The following SASH1 variants were observed in gnomAD, a reference collection of about 807,000 sequenced individuals.
The protein encoded by SASH1 is SAM and SH3 domain-containing protein 1.
SASH1 carries 44 observed loss-of-function variants against 125.2 expected under a neutral mutation model. The observed-to-expected ratio is 0.35, with a 90% CI of 0.28 to 0.45. The LOEUF is 0.45. Ranked by LOEUF, SASH1 falls within the 20% of genes least tolerant of loss-of-function variation. The pLI, the probability that SASH1 is intolerant of heterozygous loss-of-function variation, is 1.00. For synonymous variants in SASH1, 639 were observed against 649.1 expected (o/e 0.98, Z 0.24); for missense variants, 1,426 against 1,614.5 (o/e 0.88, Z 2.00).
chr6:148,251,677 CT>C, the SASH1 span, among the ~76,000 whole-genome samples: 4 of 151,162 alleles, frequency 2.6e-5, no homozygotes, highest in South Asian at 4.2e-4. Context: ...CACATATTTT[CT>C]TTTTTTTTTA....
chr6:148,211,966 A>G, the SASH1 span, among the ~76,000 whole-genome samples: 11 of 152,196 alleles, frequency 7.2e-5, no homozygotes, highest in African/African-American at 2.4e-4. Context: ...TTGTCAAGCC[A>G]CCTGGAAGCC....
chr6:148,340,968 T>G (rs1781302140), upstream of SASH1, among the ~76,000 whole-genome samples: 1 of 152,076 alleles, frequency 6.6e-6, no homozygotes, highest in Non-Finnish European at 1.5e-5. Flanking sequence ...AGATCATGTC[T>G]CTATAAAAAA....
At chr6:148,504,367 C>T (rs1779683048) in intron 8 of SASH1, among the ~76,000 whole-genome samples, 1 of 152,134 alleles carries the variant, frequency 6.6e-6, no homozygotes, top group Non-Finnish European at 1.5e-5. Context: ...AATCTGACCG[C>T]ACACAGTCAC....
rs538678500 is a variant in SASH1, at chr6:148,294,279, C to T, written n.74+21902C>T. Among the ~76,000 whole-genome samples the T allele has an allele frequency of 5.9e-5, 9 of 152,346 alleles. No individual in the cohort carries two copies. The South Asian group carries it at 1.2e-3, about 21-fold the overall frequency. On this transcript the variant is annotated intron_variant and non_coding_transcript_variant, in intron 1 of 3. Coordinates refer to the SASH1 transcript ENST00000367469. ...AGGCTACACAGCCAAGAAACTGTCGCAGGATCAGCGGTTGAAATGGAGACC... is the reference window on the plus strand; with the variant it reads ...AGGCTACACAGCCAAGAAACTGTCGTAGGATCAGCGGTTGAAATGGAGACC...
chr6:148,282,381 G>T (rs1779364258), intron 1 of SASH1, among the ~76,000 whole-genome samples: 1 of 20,058 alleles, frequency 5.0e-5, no homozygotes, highest in Admixed American at 7.2e-4. Context: ...CTGCCCAGGA[G>T]ATTTTTTTTT....
intron 5 of SASH1, 113 bp from the exon 6 acceptor site, chr6:148,471,304 A>G (rs2115124130): frequency 1.5e-6 from 1 of 674,942 alleles, no homozygotes; most frequent in Non-Finnish European, 2.5e-6. Context: ...TTGTGAAATC[A>G]AAGTATTCCT....
the SASH1 span, among the ~76,000 whole-genome samples, chr6:148,238,580 C>G: frequency 6.6e-6 from 1 of 151,524 alleles, no homozygotes; most frequent in South Asian, 2.1e-4. Flanking sequence ...GTCATTATAT[C>G]TTACCCACCC....
At position 148,473,192 on chromosome 6, in the gene SASH1, C is replaced by T. The variant is rs76959227; in HGVS notation, c.515-918C>T. 7.5e-3 allele frequency among the ~76,000 whole-genome samples: 1,138 copies of T among 152,260 alleles called. 5 individuals carry two copies. Among genetic ancestry groups the T allele is most frequent in the South Asian group, 0.022 (106 of 4,820 alleles). ...TTTCAGATACAGACCTATATGGCAC[C>T]CTTCTTCTGATTAACTCAACATGCT... On this transcript the variant is annotated intron_variant, in intron 6 of 19. Transcript: ENST00000367467.
rs1010501051 is a variant in SASH1, at chr6:148,412,341, A to G, written c.285+22079A>G. ...AATAGTAGCAGGTATGTAAATGGGCAGTGGGGTTTTGAGAGAATAATTATT... is the reference window on the plus strand; with the variant it reads ...AATAGTAGCAGGTATGTAAATGGGCGGTGGGGTTTTGAGAGAATAATTATT... On this transcript the variant is annotated intron_variant, in intron 2 of 19. Transcript: ENST00000367467. Among the ~76,000 whole-genome samples the G allele has an allele frequency of 4.6e-5, 7 of 152,310 alleles. No individual in the cohort carries two copies. The East Asian group carries it at 1.4e-3, about 29-fold the overall frequency.
chr6:148,536,357 G>GAGAC (rs1488653358), intron 16 of SASH1, among the ~76,000 whole-genome samples: 3 of 152,116 alleles, frequency 2.0e-5, no homozygotes, highest in Non-Finnish European at 4.4e-5. Context: ...TTTTGTTTTT[G>GAGAC]AGACAGAATT....
At chr6:148,208,365 T>C in the SASH1 span, among the ~76,000 whole-genome samples, 1 of 152,196 alleles carries the variant, frequency 6.6e-6, no homozygotes, top group African/African-American at 2.4e-5. Context: ...ATTGGCATTG[T>C]TGGGTTCACA....
At chr6:148,368,759 C>T (rs548313771) in intron 1 of SASH1, among the ~76,000 whole-genome samples, 57 of 129,478 alleles carry the variant, frequency 4.4e-4, no homozygotes, top group Admixed American at 4.9e-4. Context: ...CACATGCGCG[C>T]GCACGCGCGC....
At chr6:148,404,709 A>G (rs1259989576) in intron 2 of SASH1, among the ~76,000 whole-genome samples, 7 of 27,396 alleles carry the variant, frequency 2.6e-4, no homozygotes, top group Non-Finnish European at 4.9e-4. Context: ...CTGCCCCCCA[A>G]GCCCAGCCTC....
At chr6:148,301,826 A>G (rs1779954725) in intron 1 of SASH1, among the ~76,000 whole-genome samples, 1 of 139,126 alleles carries the variant, frequency 7.2e-6, no homozygotes, top group Non-Finnish European at 1.5e-5. Flanking sequence ...TGAACTTGTG[A>G]GCTCAAGCAA....
the SASH1 span, among the ~76,000 whole-genome samples, chr6:148,238,381 C>A: frequency 6.6e-6 from 1 of 151,888 alleles, no homozygotes; most frequent in Non-Finnish European, 1.5e-5. Context: ...GCGCCACCAT[C>A]CCTGGCTAAT....
At chr6:148,484,225 C>G (rs1020436230) in intron 7 of SASH1, among the ~76,000 whole-genome samples, 2 of 152,034 alleles carry the variant, frequency 1.3e-5, no homozygotes, top group South Asian at 2.1e-4. Flanking sequence ...ATGGAATAAG[C>G]ATTACTCTTT....
At chr6:148,253,461 A>T in the SASH1 span, among the ~76,000 whole-genome samples, 5,667 of 152,282 alleles carry the variant, frequency 0.037, 243 homozygotes, top group Admixed American at 0.096. Flanking sequence ...CTATTAAAAG[A>T]AGATACATGA....
rs572003261 is a variant in SASH1, at chr6:148,362,769, G to C, written c.156+19546G>C. 1.8e-4 allele frequency among the ~76,000 whole-genome samples: 27 copies of C among 152,152 alleles called. No individual in the cohort carries two copies. The East Asian group carries it at 5.2e-3, about 29-fold the overall frequency. On this transcript the variant is annotated intron_variant, in intron 1 of 19. Coordinates refer to ENST00000367467, the MANE Select transcript of SASH1 (RefSeq NM_015278.5). ...AGGATGAAGCAGGAGGATCACCTTA[G>C]CCCAGGAGGTTGAGGCTGCAGTGAG...
chr6:148,213,129 G>A, the SASH1 span, among the ~76,000 whole-genome samples: 1 of 152,202 alleles, frequency 6.6e-6, no homozygotes, highest in Non-Finnish European at 1.5e-5. Context: ...TAGCAATGCT[G>A]AGTTAGAGTG....
Sources: allele counts gnomAD v4.1 joint callset (sites outside exome capture counted in the v4.1 genomes callset), GRCh38; gene constraint gnomAD v4.1.1; transcripts MANE v1.5; gene names NCBI Gene and HGNC (gene_info 2026-07-23, HGNC 2026-07-21).